Variants in ARHGAP24 observed in about 807,000 individuals in gnomAD.
The protein encoded by ARHGAP24 is Rho GTPase activating protein 24.
Under a neutral mutation model 76.4 loss-of-function variants are expected in ARHGAP24, and 50 were observed. The ratio of observed to expected loss-of-function variants is 0.65; its 90% confidence interval spans 0.52 to 0.83. The LOEUF (loss-of-function observed/expected upper bound fraction) is 0.83. ARHGAP24 is among the 40% of genes least tolerant of loss of function. ARHGAP24 has a pLI of 0.00. For missense variants in ARHGAP24, 930 were observed against 914.2 expected (o/e 1.02, Z -0.22); for synonymous variants, 345 against 323.3 (o/e 1.07, Z -0.72).
chr4:86,000,127 G>C (rs1331730850), intron 9 of ARHGAP24: 1 of 157,468 alleles, frequency 6.4e-6, no homozygotes, highest in Non-Finnish European at 1.3e-5. Context: ...GCTGCATTTA[G>C]TGTAGTGAAC....
chr4:85,732,521 T>C (rs1261165532), intron 3 of ARHGAP24, among the ~76,000 whole-genome samples: 1 of 152,064 alleles, frequency 6.6e-6, no homozygotes, highest in Non-Finnish European at 1.5e-5. Context: ...TTTCAAAAGA[T>C]AAAACCCTAA....
intron 1 of ARHGAP24, among the ~76,000 whole-genome samples, chr4:85,537,474 A>G (rs1725513610): frequency 1.3e-5 from 2 of 152,190 alleles, no homozygotes; most frequent in African/African-American, 4.8e-5. Flanking sequence ...ATGCAGCTGT[A>G]AAAATCCATA....
chr4:85,894,967 AAAAAAAAAAAAAAAAAAAAAACAAAAC>A (rs1395726953), intron 3 of ARHGAP24, among the ~76,000 whole-genome samples: 8 of 36,604 alleles, frequency 2.2e-4, no homozygotes, highest in South Asian at 1.9e-3. Flanking sequence ...TCTCAAAAAA[AAAAAAAAAAAAAAAAAAAAAACAAAAC>A]AAAAAGCAAA....
At chr4:85,796,511 A>G (rs1291877589) in intron 3 of ARHGAP24, among the ~76,000 whole-genome samples, 1 of 152,206 alleles carries the variant, frequency 6.6e-6, no homozygotes, top group Non-Finnish European at 1.5e-5. Flanking sequence ...AAAATTGAGA[A>G]GTCCAAGGGA....
At chr4:85,595,703 A>G (rs1719804808) in intron 2 of ARHGAP24, among the ~76,000 whole-genome samples, 1 of 152,094 alleles carries the variant, frequency 6.6e-6, no homozygotes, top group African/African-American at 2.4e-5. Flanking sequence ...GCTTCCCAGG[A>G]TGATTTCAGG....
At chr4:85,724,184 A>G (rs1725068791) in intron 3 of ARHGAP24, among the ~76,000 whole-genome samples, 1 of 152,178 alleles carries the variant, frequency 6.6e-6, no homozygotes, top group Non-Finnish European at 1.5e-5. Flanking sequence ...GGCTTTCTCT[A>G]TAAAATTCTT....
chr4:85,694,933 A>G (rs1723814686), intron 2 of ARHGAP24, among the ~76,000 whole-genome samples: 1 of 152,244 alleles, frequency 6.6e-6, no homozygotes, highest in South Asian at 2.1e-4. Flanking sequence ...TATCAATTTC[A>G]CACAAGATAT....
chr4:85,971,381 T>C (rs1738971692), intron 5 of ARHGAP24, among the ~76,000 whole-genome samples: 1 of 152,252 alleles, frequency 6.6e-6, no homozygotes, highest in Non-Finnish European at 1.5e-5. Flanking sequence ...TAATATATTC[T>C]CATTGTTTTC....
intron 1 of ARHGAP24, among the ~76,000 whole-genome samples, chr4:85,496,271 C>A (rs990013566): frequency 1.3e-5 from 2 of 152,212 alleles, no homozygotes; most frequent in African/African-American, 2.4e-5. Context: ...CCTTTTCCTG[C>A]CGAAATCTGG....
At chr4:85,482,348 T>C (rs1240915036) in intron 1 of ARHGAP24, among the ~76,000 whole-genome samples, 1 of 152,190 alleles carries the variant, frequency 6.6e-6, no homozygotes, top group Non-Finnish European at 1.5e-5. Flanking sequence ...AGACTTCATT[T>C]ATTGGTGACA....
intron 3 of ARHGAP24, among the ~76,000 whole-genome samples, chr4:85,858,587 G>A (rs1187140208): frequency 2.0e-5 from 3 of 152,134 alleles, no homozygotes; most frequent in African/African-American, 7.2e-5. Context: ...AAATGTTAAA[G>A]AAAACATTAT....
intron 3 of ARHGAP24, among the ~76,000 whole-genome samples, chr4:85,907,511 T>C (rs376722869): frequency 2.6e-5 from 4 of 152,280 alleles, no homozygotes; most frequent in African/African-American, 9.6e-5. Context: ...TTAGCTCCTC[T>C]GCAAATGAAT....
chr4:85,742,616 A>C (rs745519358), intron 3 of ARHGAP24, among the ~76,000 whole-genome samples: 37 of 152,216 alleles, frequency 2.4e-4, no homozygotes, highest in Non-Finnish European at 1.3e-4. Context: ...ATGCCATTAA[A>C]ATCGGTTCTT....
intron 3 of ARHGAP24, among the ~76,000 whole-genome samples, chr4:85,842,982 G>A (rs986101448): frequency 1.3e-5 from 2 of 152,162 alleles, no homozygotes; most frequent in African/African-American, 4.8e-5. Flanking sequence ...CTGACTCAAA[G>A]GGCAGTCAGG....
intron 3 of ARHGAP24, among the ~76,000 whole-genome samples, chr4:85,757,188 C>T (rs1726536036): frequency 6.7e-6 from 1 of 149,204 alleles, no homozygotes; most frequent in Non-Finnish European, 1.5e-5. Flanking sequence ...CACTAGAGGG[C>T]AGCAAGGGGT....
rs113796592 is a variant in ARHGAP24, at chr4:85,522,402, A to G, written c.-21+46843A>G. The stretch of plus-strand genomic sequence containing the variant: ...ACATACATAATTGCTACAAATAATT[A>G]TTTTCATAACATACTCTCCACACAT... On this transcript the variant is annotated intron_variant, in intron 1 of 9. Coordinates refer to ENST00000395184, the MANE Select transcript of ARHGAP24 (RefSeq NM_001025616.3). 1.4e-4 allele frequency among the ~76,000 whole-genome samples: 22 copies of G among 152,254 alleles called. 1 individual carries two copies. Among genetic ancestry groups the G allele is most frequent in the African/African-American group, 5.3e-4 (22 of 41,554 alleles).
At chr4:85,783,374 G>C (rs1727653014) in intron 3 of ARHGAP24, among the ~76,000 whole-genome samples, 1 of 152,092 alleles carries the variant, frequency 6.6e-6, no homozygotes, top group Non-Finnish European at 1.5e-5. Flanking sequence ...GACTTCTGCT[G>C]TGAATAAAAT....
chr4:85,575,555 A>G (rs1238205637), intron 2 of ARHGAP24, among the ~76,000 whole-genome samples: 1 of 152,228 alleles, frequency 6.6e-6, no homozygotes, highest in Non-Finnish European at 1.5e-5. Context: ...TTTAAAACAC[A>G]TTTGAACTGA....
intron 8 of ARHGAP24, chr4:85,992,053 G>T: frequency 2.5e-6 from 1 of 396,632 alleles, no homozygotes; most frequent in South Asian, 1.3e-4. Context: ...AAGAATTGCT[G>T]GATCGTGTAG....
Sources: allele counts gnomAD v4.1 joint callset (sites outside exome capture counted in the v4.1 genomes callset), GRCh38; gene constraint gnomAD v4.1.1; transcripts MANE v1.5; gene names NCBI Gene and HGNC (gene_info 2026-07-23, HGNC 2026-07-21).